POMGNT1: variants seen among roughly 807,000 people sequenced by gnomAD.
POMGNT1 encodes protein O-linked-mannose beta-1,2-N-acetylglucosaminyltransferase 1.
In POMGNT1, 67 loss-of-function variants were observed where a neutral mutation model predicts 95.6. The observed-to-expected ratio is 0.70, with a 90% CI of 0.58 to 0.86. The LOEUF is 0.86. Ranked by LOEUF, POMGNT1 falls within the 40% of genes least tolerant of loss-of-function variation. The pLI is 0.00. For synonymous variants in POMGNT1, 298 were observed against 317.9 expected, an observed-to-expected ratio of 0.94 and a Z score of 0.66; for missense variants, 719 against 855.2, an observed-to-expected ratio of 0.84 and a Z score of 1.99.
intron 17 of POMGNT1, chr1:46,191,391 T>C (rs11584436): frequency 0.11 from 20,623 of 186,226 alleles, 1,555 homozygotes; most frequent in South Asian, 0.16. Context: ...AGGACTTCCC[T>C]GTTCTCCTCA....
intron 7 of POMGNT1, 91 bp downstream of exon 7, chr1:46,194,753 C>A: frequency 6.2e-7 from 1 of 1,613,754 alleles, no homozygotes; most frequent in Non-Finnish European, 8.5e-7. Flanking sequence ...GCCACTGGCT[C>A]CTATTTGTTC....
intron 1 of POMGNT1, among the ~76,000 whole-genome samples, chr1:46,210,937 C>T (rs943089438): frequency 6.7e-6 from 1 of 148,346 alleles, no homozygotes; most frequent in Admixed American, 6.9e-5. Flanking sequence ...ACCACACTCA[C>T]CTAATTTTTT....
At chr1:46,203,443 A>G (rs1658611859) in intron 1 of POMGNT1, 1 of 1,478,376 alleles carries the variant, frequency 6.8e-7, no homozygotes, top group Non-Finnish European at 9.0e-7. Flanking sequence ...GGGACCGTGG[A>G]GTCCCAGACG....
chr1:46,189,657 C>A, intron 20 of POMGNT1, 90 bp from the exon 21 acceptor site: 1 of 1,555,424 alleles, frequency 6.4e-7, no homozygotes, highest in Non-Finnish European at 8.7e-7. Context: ...CCCACCCCTC[C>A]TCAGAAACCA....
chr1:46,197,331 T>C, intron 2 of POMGNT1: 1 of 1,482,930 alleles, frequency 6.7e-7, no homozygotes, highest in African/African-American at 1.4e-5. Context: ...ATTCTTCTAT[T>C]TGAGACCTTG....
At chr1:46,220,024 T>C (rs1266355136) in exon 1 of POMGNT1, 4 of 1,614,074 alleles carry the variant, frequency 2.5e-6, no homozygotes, top group African/African-American at 2.7e-5. Flanking sequence ...GCAAAAGTTA[T>C]AGCTGGTGGA....
Position 46,190,354 on chromosome 1 carries a change from A to G in POMGNT1, c.1649+119T>C, listed in dbSNP as rs1657665312. The G allele has an allele frequency of 3.7e-6, 5 of 1,343,858 alleles. No individual in the cohort carries two copies. In the Admixed American group the frequency reaches 5.1e-5, roughly 14 times the overall value. The allele number at this position is 1,343,858 out of a possible 1,614,324, so 83.2% of individuals were successfully genotyped here. A position where few individuals can be genotyped will look rare whatever the true frequency, so the allele number is the denominator to read the frequency against. On this transcript the variant is annotated intron_variant, in intron 19 of 21. Transcript: ENST00000371984. ...CCACCGCGCCCGGCCTGAAGTTCCT[A>G]ATGTTTGAGATGAGGGCCCTGATTT...
In POMGNT1 at chr1:46,193,638, T is replaced by C. The variant is rs1657975664; in HGVS notation, c.952A>G (p.Met318Val). 1 of 1,614,094 alleles carries C rather than the reference T, an allele frequency of 6.2e-7. No individual in the cohort carries two copies. Among genetic ancestry groups the C allele is most frequent in the African/African-American group, 1.3e-5 (1 of 74,942 alleles). The change falls in exon 11 of 22, where the codon ATG (methionine) becomes GTG (valine). Residue 318 changes from methionine to valine, a missense_variant and splice_region_variant. Physicochemically the swap from Met to Val is conservative, Grantham distance 21. Transcript: ENST00000371984. ...TGGGCTGAAAGCAGAGAGCGCAGCA[T>C]CCTGGGGAGCCCAGGGATAGGTTAG... The part of the protein sequence containing the change: ...AGNRPNYLYR[M>V]LRSLLSAQGV...
At chr1:46,197,506 T>A (rs1557678835) in intron 2 of POMGNT1, 196 bp downstream of exon 2, 1 of 1,495,930 alleles carries the variant, frequency 6.7e-7, no homozygotes, top group South Asian at 1.3e-5. Flanking sequence ...GCTTAGAAGT[T>A]GTACTTGGGT....
intron 2 of POMGNT1, 154 bp from the exon 3 acceptor site, chr1:46,197,238 C>A (rs1658319631): frequency 1.3e-6 from 2 of 1,554,046 alleles, no homozygotes; most frequent in African/African-American, 2.7e-5. Flanking sequence ...CTGACCAGGG[C>A]CTAGTTTCAC....
intron 1 of POMGNT1, chr1:46,219,561 C>T: frequency 1.1e-6 from 1 of 881,246 alleles, no homozygotes; most frequent in Non-Finnish European, 1.7e-6. Flanking sequence ...GCTTCTGAAG[C>T]CTACACTGCA....
upstream of POMGNT1, chr1:46,203,228 G>A (rs1658601876): frequency 2.5e-6 from 1 of 403,748 alleles, no homozygotes; most frequent in Admixed American, 4.2e-5. Flanking sequence ...AGGGCCAGAG[G>A]TTGTGTGCGC....
At chr1:46,217,074 C>G (rs1302287914) in intron 1 of POMGNT1, among the ~76,000 whole-genome samples, 3 of 152,114 alleles carry the variant, frequency 2.0e-5, no homozygotes, top group Admixed American at 1.3e-4. Context: ...GGGAAAGAAC[C>G]ATTCACCCAA....
intron 1 of POMGNT1, 24 bp from the exon 2 acceptor site, chr1:46,197,895 G>A: frequency 1.9e-6 from 3 of 1,603,204 alleles, no homozygotes; most frequent in Non-Finnish European, 2.6e-6. Context: ...AGGGCCACAT[G>A]GGGTAAGATG....
exon 1 of POMGNT1, chr1:46,220,104 C>G (rs762267109): frequency 1.5e-5 from 25 of 1,614,060 alleles, no homozygotes; most frequent in Admixed American, 8.3e-5. Flanking sequence ...GTGGAAGCCC[C>G]CAGGGGAGAG....
In POMGNT1 at chr1:46,193,575, C is replaced by T. The variant is rs1553163451; in HGVS notation, c.1015G>A (p.Gly339Ser). 3.7e-6 allele frequency: 6 copies of T among 1,614,174 alleles called. No homozygotes were observed. Among genetic ancestry groups the T allele is most frequent in the Middle Eastern group, 1.6e-4 (1 of 6,062 alleles). ...CAAGTCCTGCTCACCTCATAGTAGCCGTCAATGAAAACTGTTATCATCTGA... is the reference window on the plus strand; with the variant it reads ...CAAGTCCTGCTCACCTCATAGTAGCTGTCAATGAAAACTGTTATCATCTGA... ...SPQMITVFID[G>S]YYEEPMDVVA... The change falls in exon 11 of 22, where the codon GGC becomes AGC. Residue 339 changes from glycine (G) to serine (S), a missense_variant. Physicochemically the swap from Gly to Ser is moderately conservative, Grantham distance 56 (BLOSUM62 0). Coordinates refer to ENST00000371984, the MANE Select transcript of POMGNT1 (RefSeq NM_017739.4).
intron 1 of POMGNT1, chr1:46,203,502 G>C: frequency 1.3e-6 from 2 of 1,557,882 alleles, no homozygotes; most frequent in Non-Finnish European, 1.7e-6. Flanking sequence ...GACCCCTGAA[G>C]GGCTGCTCCG....
At chr1:46,206,970 G>A (rs1050610321) in intron 1 of POMGNT1, among the ~76,000 whole-genome samples, 2 of 152,198 alleles carry the variant, frequency 1.3e-5, no homozygotes, top group African/African-American at 4.8e-5. Flanking sequence ...TCACTGTAGA[G>A]TGATGTGGTT....
chr1:46,204,979 TG>T (rs1405054702), intron 1 of POMGNT1, among the ~76,000 whole-genome samples: 1 of 151,738 alleles, frequency 6.6e-6, no homozygotes, highest in Non-Finnish European at 1.5e-5. Context: ...AGGCACAGGG[TG>T]GGCATGGTGG....
Sources: gnomAD v4.1 joint callset for allele counts (sites outside exome capture counted in the v4.1 genomes callset) on GRCh38, gnomAD v4.1.1 for gene constraint, MANE v1.5 for transcripts, NCBI Gene and HGNC (gene_info 2026-07-23, HGNC 2026-07-21) for gene names.